The following SEM1 variants were observed in gnomAD, a reference collection of about 807,000 sequenced individuals.
The protein encoded by SEM1 is 26S proteasome complex subunit SEM1.
SEM1 carries 3 observed loss-of-function variants against 12.7 expected under a neutral mutation model. The observed-to-expected ratio is 0.24, with a 90% CI of 0.11 to 0.61. The LOEUF (loss-of-function observed/expected upper bound fraction) is 0.61, where lower values mean the gene tolerates loss of function less well. Ranked by LOEUF, SEM1 falls within the 20% of genes least tolerant of loss-of-function variation. SEM1 has a pLI of 0.88. For missense variants in SEM1, 59 were observed against 81.3 expected (o/e 0.73, Z 1.06); for synonymous variants, 30 against 27.8 (o/e 1.08, Z -0.25).
intron 2 of SEM1, among the ~76,000 whole-genome samples, chr7:96,509,153 AT>A (rs71127457): frequency 0.32 from 39,156 of 120,738 alleles, 6,215 homozygotes; most frequent in East Asian, 0.6. Context: ...CGTCCAGCTA[AT>A]TTTTTTTTTT....
At chr7:96,661,240 A>G (rs1404704617) in intron 2 of SEM1, among the ~76,000 whole-genome samples, 1 of 152,180 alleles carries the variant, frequency 6.6e-6, no homozygotes, top group Non-Finnish European at 1.5e-5. Flanking sequence ...CTCAAAAGAC[A>G]TGAAAGATCT....
chr7:96,579,381 G>T (rs1806311399), intron 2 of SEM1, among the ~76,000 whole-genome samples: 1 of 152,134 alleles, frequency 6.6e-6, no homozygotes. Context: ...TTCACCATTT[G>T]GTTCTTTCTT....
rs544779957 is a variant in SEM1, at chr7:96,524,600, A to T, written c.171-17902T>A. Among the ~76,000 whole-genome samples the T allele has an allele frequency of 8.9e-4, 136 of 152,072 alleles. 2 individuals carry two copies. Among genetic ancestry groups the T allele is most frequent in the Admixed American group, 6.4e-3 (98 of 15,264 alleles). ...CATTAAAAAAGTAAAAATGAACAGG[A>T]ATTATTTTTATATGATTAATAACAT... On this transcript the variant is annotated intron_variant and NMD_transcript_variant, in intron 2 of 3. Coordinates refer to the SEM1 transcript ENST00000466986.
intron 2 of SEM1, among the ~76,000 whole-genome samples, chr7:96,517,953 AT>A (rs1163810399): frequency 3.9e-5 from 6 of 152,276 alleles, no homozygotes; most frequent in Middle Eastern, 6.8e-3. Flanking sequence ...ACTTGCATTC[AT>A]TTTAAAACAC....
chr7:96,682,956 T>C (rs1789657540), intron 2 of SEM1, among the ~76,000 whole-genome samples: 1 of 151,968 alleles, frequency 6.6e-6, no homozygotes, highest in African/African-American at 2.4e-5. Flanking sequence ...TATGAAAAAG[T>C]GCTCTTTATC....
At chr7:96,632,834 G>A (rs1417771726) in intron 2 of SEM1, among the ~76,000 whole-genome samples, 4 of 150,442 alleles carry the variant, frequency 2.7e-5, no homozygotes, top group African/African-American at 9.8e-5. Flanking sequence ...TGTTTGCAGG[G>A]GTTGGGGGAC....
At chr7:96,681,236 A>C (rs1052174293) in intron 2 of SEM1, among the ~76,000 whole-genome samples, 10 of 152,136 alleles carry the variant, frequency 6.6e-5, no homozygotes, top group African/African-American at 2.2e-4. Flanking sequence ...TTTAGATTTT[A>C]TGCTGCTTTT....
exon 4 of SEM1, chr7:96,483,707 TG>T (rs1802635350): frequency 3.2e-6 from 3 of 937,350 alleles, no homozygotes; most frequent in African/African-American, 1.6e-5. Context: ...GAACTTGTCA[TG>T]TGACCCACCC....
intron 1 of SEM1, among the ~76,000 whole-genome samples, chr7:96,488,762 A>G (rs1802870321): frequency 6.6e-6 from 1 of 152,114 alleles, no homozygotes; most frequent in South Asian, 2.1e-4. Flanking sequence ...CTTAGTGGTT[A>G]CTGTAGCCTC....
intron 2 of SEM1, among the ~76,000 whole-genome samples, chr7:96,680,303 A>T (rs1563109999): frequency 6.6e-6 from 1 of 152,082 alleles, no homozygotes; most frequent in Non-Finnish European, 1.5e-5. Context: ...TCTCTATTCT[A>T]AGTTGCTTCT....
chr7:96,586,885 C>G (rs143625424), intron 2 of SEM1, among the ~76,000 whole-genome samples: 48 of 152,216 alleles, frequency 3.2e-4, no homozygotes, highest in African/African-American at 1.2e-3. Flanking sequence ...GATTTGAGCC[C>G]AGGGATTACC....
At chr7:96,696,402 A>C (rs913389969) in intron 1 of SEM1, 4 of 151,660 alleles carry the variant, frequency 2.6e-5, no homozygotes, top group Admixed American at 1.3e-4. Context: ...GAGCTGGCCA[A>C]ATTCTTCGTT....
chr7:96,622,442 G>T (rs1299965838), downstream of SEM1: 1 of 536,844 alleles, frequency 1.9e-6, no homozygotes, highest in African/African-American at 1.9e-5. Context: ...CGATTCAGGA[G>T]AAGTCAAGAA....
exon 2 of SEM1, chr7:96,486,339 G>A (rs1009251929): frequency 6.5e-7 from 1 of 1,536,888 alleles, no homozygotes. Flanking sequence ...CTTATGCTGG[G>A]TCTCCTCCCC....
chr7:96,689,380 C>T (rs1009452725), intron 2 of SEM1, among the ~76,000 whole-genome samples: 1 of 152,090 alleles, frequency 6.6e-6, no homozygotes, highest in African/African-American at 2.4e-5. Flanking sequence ...TTACAATGAT[C>T]ATAACAGGTA....
At chr7:96,529,183 G>A (rs1235472869) in intron 2 of SEM1, among the ~76,000 whole-genome samples, 2 of 152,050 alleles carry the variant, frequency 1.3e-5, no homozygotes, top group Non-Finnish European at 2.9e-5. Flanking sequence ...ATAGCAGCTT[G>A]TAGACATTCC....
intron 2 of SEM1, among the ~76,000 whole-genome samples, chr7:96,583,121 T>C (rs1458353635): frequency 6.6e-6 from 1 of 151,836 alleles, no homozygotes; most frequent in Non-Finnish European, 1.5e-5. Context: ...TGCTATAAAT[T>C]TCCCTCTACA....
chr7:96,614,552 T>A (rs1807643090), intron 2 of SEM1, among the ~76,000 whole-genome samples: 1 of 152,228 alleles, frequency 6.6e-6, no homozygotes, highest in Admixed American at 6.5e-5. Context: ...ACAACTTATA[T>A]TTTATGCAAG....
intron 2 of SEM1, among the ~76,000 whole-genome samples, chr7:96,587,841 T>A (rs192348302): frequency 6.6e-6 from 1 of 152,328 alleles, no homozygotes; most frequent in East Asian, 1.9e-4. Flanking sequence ...TATTATAACC[T>A]TGTTCAATAA....
Sources: allele counts gnomAD v4.1 joint callset (sites outside exome capture counted in the v4.1 genomes callset), GRCh38; gene constraint gnomAD v4.1.1; transcripts MANE v1.5; gene names NCBI Gene and HGNC (gene_info 2026-07-23, HGNC 2026-07-21).